MTO1: variants seen among roughly 807,000 people sequenced by gnomAD.
MTO1 encodes the protein 5-taurinomethyluridine-[tRNA] synthase subunit MTO1, mitochondrial.
In MTO1, 46 loss-of-function variants were observed where a neutral mutation model predicts 71.6. That is an observed-to-expected ratio of 0.64 (90% confidence interval 0.51 to 0.82). The LOEUF (loss-of-function observed/expected upper bound fraction) is 0.82. MTO1 is among the 40% of genes least tolerant of loss of function. MTO1 has a pLI of 0.00. For synonymous variants in MTO1, 297 were observed against 312.1 expected, an observed-to-expected ratio of 0.95 and a Z score of 0.51; for missense variants, 773 against 867.5, an observed-to-expected ratio of 0.89 and a Z score of 1.37.
At position 73,502,533 on chromosome 6, in the gene MTO1, T is replaced by C. The variant is rs1020713052; in HGVS notation, c.*1798T>C. 6.6e-6 allele frequency: 1 copy of C among 152,228 alleles called. No homozygotes were observed. Among genetic ancestry groups the C allele is most frequent in the Admixed American group, 6.5e-5 (1 of 15,282 alleles). The allele number at this position is 152,228 out of a possible 1,614,324, so 9.4% of individuals were successfully genotyped here. A position where few individuals can be genotyped will look rare whatever the true frequency, so the allele number is the denominator to read the frequency against. The stretch of plus-strand genomic sequence containing the variant: ...TTCATTGTTTCTAAACTTTTTTTTC[T>C]GATTAAATACAAGAGTAAAAAAAGT... On this transcript the variant is annotated 3_prime_UTR_variant, in exon 12 of 12. Coordinates refer to ENST00000498286, the MANE Select transcript of MTO1 (RefSeq NM_012123.4).
chr6:73,473,468 A>T lies in MTO1; in HGVS notation c.639A>T (p.Leu213Phe), dbSNP rs758695510. ...TGGAGACGCATCCAGCAGGACGTTTAGGGGATCAGCCTTCTATAGGATTGG... is the reference window on the plus strand; with the variant it reads ...TGGAGACGCATCCAGCAGGACGTTTTGGGGATCAGCCTTCTATAGGATTGG... ...IGLETHPAGR[L>F]GDQPSIGLAQ... The change falls in exon 4 of 12, where the codon TTA becomes TTT. Residue 213 changes from leucine (L) to phenylalanine (F), a missense_variant. Transcript: ENST00000498286. 6.2e-7 allele frequency: 1 copy of T among 1,614,130 alleles called. No homozygotes were observed. The highest frequency in any genetic ancestry group is 8.5e-7 in the Non-Finnish European group (1 of 1,180,030).
In MTO1 at chr6:73,504,297, A is replaced by G. The variant is rs769090030; in HGVS notation, c.*3562A>G. On this transcript the variant is annotated 3_prime_UTR_variant, in exon 12 of 12. Coordinates refer to ENST00000498286, the MANE Select transcript of MTO1 (RefSeq NM_012123.4). Reference sequence around the variant, plus strand: ...CAGGTGTGCACCACCATGCACGGCTAATTTTTAAGTTTTTGTAGATATGGG... The same window carrying G: ...CAGGTGTGCACCACCATGCACGGCTGATTTTTAAGTTTTTGTAGATATGGG... The G allele has an allele frequency of 6.6e-6, 1 of 152,116 alleles. No individual in the cohort carries two copies. The highest frequency in any genetic ancestry group is 1.5e-5 in the Non-Finnish European group (1 of 68,034). The allele number at this position is 152,116 out of a possible 1,614,324, so 9.4% of individuals were successfully genotyped here.
At chr6:73,462,149 G>A in intron 1 of MTO1, 78 bp downstream of exon 1, 2 of 1,468,000 alleles carry the variant, frequency 1.4e-6, no homozygotes, top group Non-Finnish European at 1.9e-6. Context: ...CTGAAGCGGG[G>A]GACCTCTTCC....
At chr6:73,484,306 G>C (rs972246894) in intron 9 of MTO1, among the ~76,000 whole-genome samples, 4 of 152,130 alleles carry the variant, frequency 2.6e-5, no homozygotes, top group East Asian at 1.9e-4. Flanking sequence ...ATAAACAACA[G>C]TAATTTATTG....
intron 1 of MTO1, chr6:73,464,070 C>G (rs1236273515): frequency 6.6e-6 from 1 of 152,072 alleles, no homozygotes; most frequent in African/African-American, 2.4e-5. Context: ...AAATAAAGAC[C>G]TAGTGCTTGC....
chr6:73,473,861 A>G lies in MTO1; in HGVS notation c.825+207A>G, dbSNP rs118050026. On this transcript the variant is annotated intron_variant, in intron 4 of 11. Coordinates refer to ENST00000498286, the MANE Select transcript of MTO1 (RefSeq NM_012123.4). ...GAGTGCAGTGGTACAATTATGGGTC[A>G]CTACAGCCTTGACCTCCTGGGCTCA... Among the ~76,000 whole-genome samples, 145 of 149,420 alleles carry G rather than the reference A, an allele frequency of 9.7e-4. 2 individuals are homozygous for G. The East Asian group carries it at 0.028, about 29-fold the overall frequency.
intron 9 of MTO1, among the ~76,000 whole-genome samples, chr6:73,489,187 T>C (rs1260925762): frequency 6.6e-6 from 1 of 152,212 alleles, no homozygotes; most frequent in East Asian, 1.9e-4. Flanking sequence ...CAACATTATT[T>C]GTTGAAGAAA....
rs764848745 is a variant in MTO1 at position 73,482,184 on chromosome 6, C to T, written c.1405C>T (p.Arg469Ter). The T allele has an allele frequency of 9.3e-6, 15 of 1,614,012 alleles. No individual in the cohort carries two copies. Among genetic ancestry groups the T allele is most frequent in the African/African-American group, 1.3e-5 (1 of 74,900 alleles). Residue 469 changes from arginine (R) to a stop codon, truncating the protein, a stop_gained, in exon 8 of 12, where the codon CGA becomes TGA. Transcript: ENST00000498286. LOFTEE classifies it high-confidence loss of function. The stretch of plus-strand genomic sequence containing the variant: ...TGAACCATACCGCATGTTTACCAGC[C>T]GAGTAGAGTTCCGTTTGTCACTGCG... ...TSEPYRMFTSRVEFRLSLRPD... is the reference protein window; with the variant it reads ...TSEPYRMFTS
At chr6:73,475,946 C>A (rs1582680527) in intron 4 of MTO1, among the ~76,000 whole-genome samples, 1 of 152,142 alleles carries the variant, frequency 6.6e-6, no homozygotes, top group African/African-American at 2.4e-5. Context: ...AAGGCAGCCG[C>A]CCCCTTGCCC....
chr6:73,473,675 C>G, intron 4 of MTO1, 21 bp downstream of exon 4: 1 of 1,578,768 alleles, frequency 6.3e-7, no homozygotes, highest in Non-Finnish European at 8.6e-7. Context: ...TTACGAAAAC[C>G]TGGCTTACAG....
At chr6:73,468,394 C>T (rs1334272870) in intron 3 of MTO1, among the ~76,000 whole-genome samples, 1 of 151,980 alleles carries the variant, frequency 6.6e-6, no homozygotes, top group African/African-American at 2.4e-5. Context: ...GCTGGGATTA[C>T]AGGCATGAGC....
Position 73,473,763 on chromosome 6 carries a change from A to G in MTO1, c.825+109A>G, listed in dbSNP as rs1771223106. On this transcript the variant is annotated intron_variant, in intron 4 of 11. Transcript: ENST00000498286. Reference sequence around the variant, plus strand: ...TGGCAGCAGTTCACTTTATAGCACTATTGCTTATAGTGCAAAGAAATGATT... The same window carrying G: ...TGGCAGCAGTTCACTTTATAGCACTGTTGCTTATAGTGCAAAGAAATGATT... 5 of 781,722 alleles carry G rather than the reference A, an allele frequency of 6.4e-6. No homozygotes were observed. In the Admixed American group the frequency reaches 1.0e-4, roughly 16 times the overall value. The allele number at this position is 781,722 out of a possible 1,614,324, so 48.4% of individuals were successfully genotyped here.
At chr6:73,496,434 G>C (rs555947217) in intron 10 of MTO1, among the ~76,000 whole-genome samples, 1 of 150,130 alleles carries the variant, frequency 6.7e-6, no homozygotes, top group Non-Finnish European at 1.5e-5. Context: ...AAAATTTATA[G>C]CTCTATATGA....
intron 1 of MTO1, among the ~76,000 whole-genome samples, chr6:73,463,732 TTTTTC>T (rs879929726): frequency 2.0e-5 from 3 of 151,914 alleles, no homozygotes; most frequent in Non-Finnish European, 4.4e-5. Flanking sequence ...TCAGGTGGGT[TTTTTC>T]TTTTCTTTTC....
rs556693071 is a variant in MTO1 at position 73,466,192 on chromosome 6, A to G, written c.218-17A>G. ...AGGTGCTCATATATTTATTTTGTTT[A>G]TGTCTATTATCTTTAGGTCAGATGT... On this transcript the variant is annotated splice_polypyrimidine_tract_variant and intron_variant, in intron 1 of 11. Coordinates refer to ENST00000498286, the MANE Select transcript of MTO1 (RefSeq NM_012123.4). The G allele has an allele frequency of 1.9e-6, 3 of 1,593,100 alleles. No individual in the cohort carries two copies. Among genetic ancestry groups the G allele is most frequent in the South Asian group, 2.2e-5 (2 of 90,556 alleles).
intron 3 of MTO1, among the ~76,000 whole-genome samples, chr6:73,469,275 C>T (rs985578001): frequency 6.6e-6 from 1 of 152,138 alleles, no homozygotes; most frequent in Admixed American, 6.5e-5. Flanking sequence ...ACCTCAACCA[C>T]CCAAAGTGTT....
At chr6:73,476,207 A>AAAAAAAAAATAAT (rs1283484667) in intron 4 of MTO1, among the ~76,000 whole-genome samples, 8 of 148,312 alleles carry the variant, frequency 5.4e-5, no homozygotes, top group Non-Finnish European at 9.0e-5. Flanking sequence ...TACTAAAAAT[A>AAAAAAAAAATAAT]AAAAAAAAAT....
intron 1 of MTO1, chr6:73,462,410 GATAA>G (rs1770852001): frequency 6.1e-6 from 2 of 327,582 alleles, no homozygotes; most frequent in African/African-American, 2.1e-5. Context: ...TGTTACTCCA[GATAA>G]AGGGTGAATT....
intron 3 of MTO1, among the ~76,000 whole-genome samples, chr6:73,470,389 G>A (rs1208881723): frequency 6.6e-6 from 1 of 151,690 alleles, no homozygotes; most frequent in Non-Finnish European, 1.5e-5. Context: ...TGTATTTTTA[G>A]TAGAGATGGG....
Sources: gnomAD v4.1 joint callset for allele counts (sites outside exome capture counted in the v4.1 genomes callset) on GRCh38, gnomAD v4.1.1 for gene constraint, MANE v1.5 for transcripts, NCBI Gene and HGNC (gene_info 2026-07-23, HGNC 2026-07-21) for gene names.